KCNH7: variants seen among roughly 807,000 people sequenced by gnomAD.
The protein encoded by KCNH7 is voltage-gated inwardly rectifying potassium channel KCNH7.
A neutral mutation model predicts 120.8 loss-of-function variants in KCNH7; 49 were observed. The observed-to-expected ratio is 0.41, with a 90% confidence interval of 0.32 to 0.51. KCNH7 has a LOEUF of 0.51. Ranked by LOEUF, KCNH7 falls within the 20% of genes least tolerant of loss-of-function variation. KCNH7 has a pLI of 0.38. For missense variants in KCNH7, 1,097 were observed against 1,446.6 expected (o/e 0.76, Z 3.92); for synonymous variants, 547 against 516.1 (o/e 1.06, Z -0.81).
intron 6 of KCNH7, among the ~76,000 whole-genome samples, chr2:162,469,863 C>G (rs563668585): frequency 6.6e-6 from 1 of 152,344 alleles, no homozygotes; most frequent in Admixed American, 6.5e-5. Context: ...CGCGCCGCCA[C>G]GCCTGACTGG....
intron 2 of KCNH7, chr2:162,796,332 C>G (rs899199490): frequency 1.2e-4 from 18 of 151,752 alleles, no homozygotes; most frequent in African/African-American, 4.4e-4. Context: ...CGAAACCCAG[C>G]ACAAAAAAAG....
chr2:162,619,032 C>T (rs899869933), intron 2 of KCNH7, among the ~76,000 whole-genome samples: 1 of 152,098 alleles, frequency 6.6e-6, no homozygotes, highest in African/African-American at 2.4e-5. Context: ...AGTTGGTGCC[C>T]TGAAGAAAAT....
intron 6 of KCNH7, among the ~76,000 whole-genome samples, chr2:162,452,180 T>G (rs1481335852): frequency 2.0e-5 from 3 of 151,988 alleles, no homozygotes; most frequent in Non-Finnish European, 4.4e-5. Context: ...AGAGAGAAGG[T>G]CTGAATTTTA....
chr2:162,404,039 T>G (rs1687137651), intron 9 of KCNH7, among the ~76,000 whole-genome samples: 1 of 151,994 alleles, frequency 6.6e-6, no homozygotes, highest in African/African-American at 2.4e-5. Context: ...TTTCTTTGTT[T>G]TCAGGGTTGG....
intron 2 of KCNH7, among the ~76,000 whole-genome samples, chr2:162,790,323 A>G (rs1037533121): frequency 2.0e-5 from 3 of 152,002 alleles, no homozygotes; most frequent in Admixed American, 6.6e-5. Context: ...TAATCAGAAG[A>G]AATAAAGTTG....
intron 2 of KCNH7, among the ~76,000 whole-genome samples, chr2:162,662,443 A>C (rs1259484590): frequency 6.6e-6 from 1 of 152,210 alleles, no homozygotes; most frequent in East Asian, 1.9e-4. Flanking sequence ...TGTTTTAGGC[A>C]AAGCAAATTA....
chr2:162,430,556 G>T (rs1688029671), intron 8 of KCNH7, among the ~76,000 whole-genome samples: 1 of 151,958 alleles, frequency 6.6e-6, no homozygotes, highest in African/African-American at 2.4e-5. Flanking sequence ...GTGCCTCCAG[G>T]CAAAAAGCCA....
At chr2:162,440,655 C>T (rs965269345) in intron 7 of KCNH7, among the ~76,000 whole-genome samples, 1 of 152,008 alleles carries the variant, frequency 6.6e-6, no homozygotes, top group African/African-American at 2.4e-5. Context: ...TTATTTATAT[C>T]AGACCTCACA....
intron 2 of KCNH7, among the ~76,000 whole-genome samples, chr2:162,745,016 C>T (rs1313089166): frequency 6.6e-6 from 1 of 152,194 alleles, no homozygotes; most frequent in African/African-American, 2.4e-5. Flanking sequence ...AAGTTGGAGA[C>T]ATGCTCATTG....
At chr2:162,682,474 T>C (rs1349434175) in intron 2 of KCNH7, among the ~76,000 whole-genome samples, 2 of 151,550 alleles carry the variant, frequency 1.3e-5, no homozygotes, top group African/African-American at 4.8e-5. Context: ...TGTAACAAAA[T>C]AGTACTCATA....
intron 2 of KCNH7, among the ~76,000 whole-genome samples, chr2:162,810,723 T>G (rs1684706667): frequency 1.3e-5 from 2 of 152,150 alleles, no homozygotes; most frequent in African/African-American, 4.8e-5. Flanking sequence ...AGACATGATT[T>G]TATGTGTGTC....
At position 162,838,430 on chromosome 2, in the gene KCNH7, C is replaced by T; in HGVS notation, c.76+13G>A. The stretch of plus-strand genomic sequence containing the variant: ...AGAAAGCGAGGGCGAGAGAAGAGAA[C>T]AAACGAACTTACTTTGCCCTTCAAA... On this transcript the variant is annotated intron_variant, in intron 1 of 15. Coordinates refer to ENST00000332142, the MANE Select transcript of KCNH7 (RefSeq NM_033272.4). 1.2e-6 allele frequency: 2 copies of T among 1,609,926 alleles called. No homozygotes were observed. The highest frequency in any genetic ancestry group is 1.7e-6 in the Non-Finnish European group (2 of 1,176,244).
intron 6 of KCNH7, among the ~76,000 whole-genome samples, chr2:162,477,374 G>A (rs1186545986): frequency 2.7e-5 from 4 of 148,240 alleles, no homozygotes; most frequent in Non-Finnish European, 5.9e-5. Context: ...GCACAAAGCT[G>A]CCTGGCAGCT....
At chr2:162,645,915 A>G (rs1024379862) in intron 2 of KCNH7, among the ~76,000 whole-genome samples, 8 of 152,278 alleles carry the variant, frequency 5.3e-5, no homozygotes, top group Admixed American at 2.0e-4. Context: ...CTCGATCTAC[A>G]CAAATCACCC....
At chr2:162,780,450 G>A (rs1007971576) in intron 2 of KCNH7, among the ~76,000 whole-genome samples, 9 of 152,198 alleles carry the variant, frequency 5.9e-5, no homozygotes, top group South Asian at 2.1e-4. Flanking sequence ...GAATAACAGC[G>A]TGCCAGCCAG....
At chr2:162,482,125 C>T (rs773914035) in intron 6 of KCNH7, among the ~76,000 whole-genome samples, 9 of 152,122 alleles carry the variant, frequency 5.9e-5, no homozygotes, top group Non-Finnish European at 1.2e-4. Flanking sequence ...ACTAAGTGCT[C>T]TTTGAGTTTA....
chr2:162,777,958 A>T (rs568690754), intron 2 of KCNH7, among the ~76,000 whole-genome samples: 1 of 152,148 alleles, frequency 6.6e-6, no homozygotes, highest in African/African-American at 2.4e-5. Flanking sequence ...TTTTTTTAAA[A>T]AGGCTAACTT....
intron 7 of KCNH7, among the ~76,000 whole-genome samples, chr2:162,441,583 T>G (rs1247889560): frequency 6.6e-6 from 1 of 152,160 alleles, no homozygotes; most frequent in Non-Finnish European, 1.5e-5. Flanking sequence ...AGTAAGAGGT[T>G]AATGAAGCAT....
At chr2:162,384,506 C>A (rs1232778002) in intron 13 of KCNH7, among the ~76,000 whole-genome samples, 182 bp downstream of exon 13, 2 of 151,948 alleles carry the variant, frequency 1.3e-5, no homozygotes, top group Non-Finnish European at 1.5e-5. Context: ...GAATAATTAC[C>A]ACTTGTTTTA....
Sources: gnomAD v4.1 joint callset for allele counts (sites outside exome capture counted in the v4.1 genomes callset) on GRCh38, gnomAD v4.1.1 for gene constraint, MANE v1.5 for transcripts, NCBI Gene and HGNC (gene_info 2026-07-23, HGNC 2026-07-21) for gene names.